CCDC87: variants seen among roughly 807,000 people sequenced by gnomAD.
CCDC87 encodes the protein coiled-coil domain-containing protein 87.
For synonymous variants in CCDC87, 434 were observed against 440.2 expected (o/e 0.99, Z 0.18); for missense variants, 1,072 against 1,041.7 (o/e 1.03, Z -0.40).
In CCDC87 at chr11:66,591,617, T is replaced by C. The variant is rs1295290277; in HGVS notation, c.1399A>G (p.Asn467Asp). ...FHIEGAGALY[N>D]HLAGELDPKA... is the part of the protein sequence containing the mutation. ...GGATCCAGTTCACCAGCCAGATGGTTATACAGGGCTCCGGCCCCCTCAATG... is the reference window on the plus strand; with the variant it reads ...GGATCCAGTTCACCAGCCAGATGGTCATACAGGGCTCCGGCCCCCTCAATG... The change falls in exon 1 of 1, where the codon AAC becomes GAC. Residue 467 changes from asparagine (N) to aspartate (D), a missense_variant. Physicochemically the swap from Asn to Asp is conservative, Grantham distance 23. Transcript: ENST00000333861. 5 of 1,614,102 alleles carry C rather than the reference T, an allele frequency of 3.1e-6. No individual in the cohort carries two copies. Among genetic ancestry groups the C allele is most frequent in the Non-Finnish European group, 4.2e-6 (5 of 1,180,036 alleles).
In CCDC87 at chr11:66,590,531, G is replaced by C. The variant is rs1273501211; in HGVS notation, c.2485C>G (p.Leu829Val). 7.4e-6 allele frequency: 12 copies of C among 1,613,986 alleles called. No individual in the cohort carries two copies. The highest frequency in any genetic ancestry group is 9.3e-6 in the Non-Finnish European group (11 of 1,179,992). Residue 829 changes from leucine to valine, a missense_variant, in exon 1 of 1, where the codon CTG becomes GTG. Coordinates refer to ENST00000333861, the MANE Select transcript of CCDC87 (RefSeq NM_018219.3). ...WLQQQRRVRH[L>V]VSALKDPHQS... ...TGGGGATCCTTCAGGGCCGAGACCA[G>C]GTGGCGAACCCGCCGCTGCTGTTGC...
chr11:66,592,950 C>G lies in CCDC87; in HGVS notation c.66G>C (p.Leu22=). ...QRFYHRLLRP[L]SLFPTRTTSP... is the part of the protein sequence containing the mutation. ...ACGTCGTCCTAGTGGGGAAGAGCGA[C>G]AGCGGACGCAGCAGCCGGTGGTAAA... The change falls in exon 1 of 1, where the codon CTG becomes CTC. Residue 22 remains leucine (L), a synonymous_variant. Transcript: ENST00000333861. 6.6e-7 allele frequency: 1 copy of G among 1,518,088 alleles called. No homozygotes were observed. The highest frequency in any genetic ancestry group is 8.8e-7 in the Non-Finnish European group (1 of 1,135,832). The allele number at this position is 1,518,088 out of a possible 1,614,324, so 94.0% of individuals were successfully genotyped here. A position where few individuals can be genotyped will look rare whatever the true frequency, so the allele number is the denominator to read the frequency against.
chr11:66,592,023 T>C lies in CCDC87; in HGVS notation c.993A>G (p.Pro331=), dbSNP rs1279765307. 2.5e-6 allele frequency: 4 copies of C among 1,613,750 alleles called. No homozygotes were observed. The highest frequency in any genetic ancestry group is 1.7e-5 in the Admixed American group (1 of 60,024). The part of the protein sequence containing the change: ...LADELGLPPL[P]SRPLTPLVLA... ...AGACCAGCGGGGTTAAGGGGCGAGA[T>C]GGGAGTGGAGGAAGGCCCAACTCAT... The change falls in exon 1 of 1, where the codon CCA becomes CCG. Residue 331 remains proline, a synonymous_variant. Transcript: ENST00000333861.
In CCDC87 at chr11:66,591,204, A is replaced by G. The variant is rs751470984; in HGVS notation, c.1812T>C (p.His604=). The stretch of plus-strand genomic sequence containing the variant: ...AGATGACATGAAGGAAATCTGTTTC[A>G]TGGTTGGTGAGGTACTTGAAGTAGT... ...VDDYFKYLTN[H]ETDFLHVIFQ... The change falls in exon 1 of 1, where the codon CAT becomes CAC. Residue 604 remains histidine, a synonymous_variant. Transcript: ENST00000333861. The G allele has an allele frequency of 1.2e-6, 2 of 1,614,230 alleles. No individual in the cohort carries two copies. Among genetic ancestry groups the G allele is most frequent in the Non-Finnish European group, 1.7e-6 (2 of 1,180,040 alleles).
chr11:66,592,955 G>C lies in CCDC87; in HGVS notation c.61C>G (p.Pro21Ala). Residue 21 changes from proline to alanine, a missense_variant, in exon 1 of 1, where the codon CCG becomes GCG. Coordinates refer to ENST00000333861, the MANE Select transcript of CCDC87 (RefSeq NM_018219.3). ...LQRFYHRLLR[P>A]LSLFPTRTTS... is the part of the protein sequence containing the mutation. ...GTCCTAGTGGGGAAGAGCGACAGCG[G>C]ACGCAGCAGCCGGTGGTAAAACCGC... 1 of 1,518,124 alleles carries C rather than the reference G, an allele frequency of 6.6e-7. No homozygotes were observed. Among genetic ancestry groups the C allele is most frequent in the Non-Finnish European group, 8.8e-7 (1 of 1,135,878 alleles). 94.0% of individuals were successfully genotyped at this position (1,518,124 alleles called of 1,614,324 possible).
Position 66,591,882 on chromosome 11 carries a change from C to G in CCDC87, c.1134G>C (p.Leu378=). Residue 378 remains leucine (L), a synonymous_variant, in exon 1 of 1, where the codon CTG becomes CTC. Transcript: ENST00000333861. ...GTRYPPLDSG[L]PPLLGVVTRH... ...GGGTCACAACCCCCAGGAGAGGAGG[C>G]AGGCCTGAGTCCAGTGGTGGGTAGC... is the stretch of plus-strand genomic sequence containing the variant. 1.2e-6 allele frequency: 2 copies of G among 1,613,848 alleles called. No individual in the cohort carries two copies. Among genetic ancestry groups the G allele is most frequent in the Non-Finnish European group, 1.7e-6 (2 of 1,179,944 alleles).
chr11:66,592,285 C>T lies in CCDC87; in HGVS notation c.731G>A (p.Gly244Glu), dbSNP rs1282950001. The T allele has an allele frequency of 4.3e-6, 7 of 1,614,216 alleles. No individual in the cohort carries two copies. The highest frequency in any genetic ancestry group is 5.9e-6 in the Non-Finnish European group (7 of 1,180,048). ...SRPPEFLNEP[G>E]RMDPVKELKS... ...CAATTCCTTCACTGGATCCATCCTTCCTGGCTCATTGAGAAACTCTGGTGG... is the reference window on the plus strand; with the variant it reads ...CAATTCCTTCACTGGATCCATCCTTTCTGGCTCATTGAGAAACTCTGGTGG... The change falls in exon 1 of 1, where the codon GGA becomes GAA. Residue 244 changes from glycine (G) to glutamate (E), a missense_variant. By Grantham distance (98) the Gly-to-Glu change is moderately conservative (BLOSUM62 -2). Coordinates refer to ENST00000333861, the MANE Select transcript of CCDC87 (RefSeq NM_018219.3).
Position 66,592,957 on chromosome 11 carries a change from C to T in CCDC87, c.59G>A (p.Arg20His). 6.6e-7 allele frequency: 1 copy of T among 1,517,020 alleles called. No homozygotes were observed. Among genetic ancestry groups the T allele is most frequent in the Non-Finnish European group, 8.8e-7 (1 of 1,135,326 alleles). 94.0% of individuals were successfully genotyped at this position (1,517,020 alleles called of 1,614,324 possible). A position where few individuals can be genotyped will look rare whatever the true frequency, so the allele number is the denominator to read the frequency against. ...CCTAGTGGGGAAGAGCGACAGCGGA[C>T]GCAGCAGCCGGTGGTAAAACCGCTG... ...ELQRFYHRLL[R>H]PLSLFPTRTT... The change falls in exon 1 of 1, where the codon CGT (arginine) becomes CAT (histidine). Residue 20 changes from arginine to histidine, a missense_variant. Physicochemically the swap from Arg to His is conservative, Grantham distance 29. Transcript: ENST00000333861.
rs750547188 is a variant in CCDC87, at chr11:66,590,952, CCA to C, written c.2062_2063del (p.Trp688ValfsTer4). ...CCTTGTCAGGGACCTCAAGCACAGA[CCA>C]CAGTTGTTCCAGATGCTTCTGCAGG... is the stretch of plus-strand genomic sequence containing the variant. ...LSLQKHLEQL[W>X]SVLEVPDKDQ... On this transcript the variant is annotated frameshift_variant, in exon 1 of 1. Transcript: ENST00000333861. LOFTEE classifies it low-confidence loss of function (END_TRUNC). 1 of 1,613,658 alleles carries C rather than the reference CCA, an allele frequency of 6.2e-7. No individual in the cohort carries two copies. The highest frequency in any genetic ancestry group is 8.5e-7 in the Non-Finnish European group (1 of 1,180,012).
Position 66,591,651 on chromosome 11 carries a change from G to C in CCDC87, c.1365C>G (p.Asp455Glu), listed in dbSNP as rs1858361314. The C allele has an allele frequency of 6.2e-7, 1 of 1,613,830 alleles. No individual in the cohort carries two copies. Reference sequence around the variant, plus strand: ...CTCCGGCCCCCTCAATGTGGAAAGAGTCTAAGAAGTTTCTATCAGAGACCC... The same window carrying C: ...CTCCGGCCCCCTCAATGTGGAAAGACTCTAAGAAGTTTCTATCAGAGACCC... ...AVRVSDRNFLDSFHIEGAGAL... is the reference protein window; with the variant it reads ...AVRVSDRNFLESFHIEGAGAL... Residue 455 changes from aspartate to glutamate, a missense_variant, in exon 1 of 1, where the codon GAC becomes GAG. Asp to Glu is a conservative substitution (Grantham distance 45). Coordinates refer to ENST00000333861, the MANE Select transcript of CCDC87 (RefSeq NM_018219.3).
rs772431906 is a variant in CCDC87, at chr11:66,591,376, C to T, written c.1640G>A (p.Gly547Glu). 2 of 1,614,094 alleles carry T rather than the reference C, an allele frequency of 1.2e-6. No homozygotes were observed. Among genetic ancestry groups the T allele is most frequent in the Non-Finnish European group, 8.5e-7 (1 of 1,180,024 alleles). ...AGTGTTTGCTCTCTGGGAGTAAAGTCCAACCAGCTCAGGGTTGATGATTTG... is the reference window on the plus strand; with the variant it reads ...AGTGTTTGCTCTCTGGGAGTAAAGTTCAACCAGCTCAGGGTTGATGATTTG... ...QPQIINPELVGLYSQRANTLQ... is the reference protein window; with the variant it reads ...QPQIINPELVELYSQRANTLQ... The change falls in exon 1 of 1, where the codon GGA (glycine) becomes GAA (glutamate). Residue 547 changes from glycine (G) to glutamate (E), a missense_variant. By Grantham distance (98) the Gly-to-Glu change is moderately conservative (BLOSUM62 -2). Transcript: ENST00000333861.
chr11:66,590,620 A>T lies in CCDC87; in HGVS notation c.2396T>A (p.Ile799Asn). The part of the protein sequence containing the change: ...EIELIFGEPV[I>N]FKGRPYLDKM... ...GTCCAGGTAGGGCCGCCCCTTGAAG[A>T]TCACTGGCTCGCCAAAGATTAACTC... Residue 799 changes from isoleucine (I) to asparagine (N), a missense_variant, in exon 1 of 1, where the codon ATC becomes AAC. Coordinates refer to ENST00000333861, the MANE Select transcript of CCDC87 (RefSeq NM_018219.3). The T allele has an allele frequency of 6.2e-7, 1 of 1,614,208 alleles. No homozygotes were observed. Among genetic ancestry groups the T allele is most frequent in the Non-Finnish European group, 8.5e-7 (1 of 1,180,044 alleles).
Position 66,591,804 on chromosome 11 carries a change from G to A in CCDC87, c.1212C>T (p.Asn404=). Residue 404 remains asparagine (N), a synonymous_variant, in exon 1 of 1, where the codon AAC becomes AAT. Transcript: ENST00000333861. ...GCCCAGAGGCTTCTTCCTCCTGGAG[G>A]TTCCTCAACATCTTCTCCAGCTCCT... ...RLEELEKMLR[N]LQEEEASGQW... is the part of the protein sequence containing the mutation. 1 of 1,613,468 alleles carries A rather than the reference G, an allele frequency of 6.2e-7. No individual in the cohort carries two copies. The highest frequency in any genetic ancestry group is 8.5e-7 in the Non-Finnish European group (1 of 1,179,876).
In CCDC87 at chr11:66,592,532, A is replaced by C. The variant is rs370432829; in HGVS notation, c.484T>G (p.Cys162Gly). The C allele has an allele frequency of 6.8e-6, 11 of 1,613,252 alleles. No homozygotes were observed. The highest frequency in any genetic ancestry group is 8.5e-6 in the Non-Finnish European group (10 of 1,180,038). The change falls in exon 1 of 1, where the codon TGC (cysteine) becomes GGC (glycine). Residue 162 changes from cysteine to glycine, a missense_variant. By Grantham distance (159) the Cys-to-Gly change is radical. Coordinates refer to ENST00000333861, the MANE Select transcript of CCDC87 (RefSeq NM_018219.3). ...TTGGGACTAGTAAGGAAGAGTGTGC[A>C]GTCCCTGGCGAGGCTGGCGGCCAAC... is the stretch of plus-strand genomic sequence containing the variant. ...TRLAASLARDCTLFLTSPNVY... is the reference protein window; with the variant it reads ...TRLAASLARDGTLFLTSPNVY...
rs1565319851 is a variant in CCDC87, at chr11:66,591,494, G to GT, written c.1521dup (p.His508ThrfsTer3). On this transcript the variant is annotated frameshift_variant, in exon 1 of 1. Coordinates refer to ENST00000333861, the MANE Select transcript of CCDC87 (RefSeq NM_018219.3). LOFTEE classifies it low-confidence loss of function (END_TRUNC). ...TCAACTAGGGGCCCTTGATCAAAAT[G>GT]TAAGTGGTCAGAAGAGACATGGCTC... 5.0e-6 allele frequency: 8 copies of GT among 1,614,176 alleles called. 1 individual carries two copies. The Admixed American group carries it at 8.3e-5, about 17-fold the overall frequency.
In CCDC87 at chr11:66,592,701, G is replaced by A. The variant is rs1208529933; in HGVS notation, c.315C>T (p.Ser105=). ...TCCGCAGCTTCTGGTTGTTTTTGTG[G>A]CTCAGACTAAGTTCGGCGGGCGGCT... The part of the protein sequence containing the change: ...WREPPAELSL[S]HKNNQKLRKR... The change falls in exon 1 of 1, where the codon AGC becomes AGT. Residue 105 remains serine (S), a synonymous_variant. Transcript: ENST00000333861. 6.2e-7 allele frequency: 1 copy of A among 1,614,124 alleles called. No homozygotes were observed. Among genetic ancestry groups the A allele is most frequent in the African/African-American group, 1.3e-5 (1 of 75,070 alleles).
Position 66,592,958 on chromosome 11 carries a change from G to A in CCDC87, c.58C>T (p.Arg20Cys). ...CTAGTGGGGAAGAGCGACAGCGGAC[G>A]CAGCAGCCGGTGGTAAAACCGCTGG... The part of the protein sequence containing the change: ...ELQRFYHRLL[R>C]PLSLFPTRTT... The change falls in exon 1 of 1, where the codon CGT (arginine) becomes TGT (cysteine). Residue 20 changes from arginine to cysteine, a missense_variant. Transcript: ENST00000333861. 1 of 1,517,810 alleles carries A rather than the reference G, an allele frequency of 6.6e-7. No individual in the cohort carries two copies. The highest frequency in any genetic ancestry group is 8.8e-7 in the Non-Finnish European group (1 of 1,135,944). 94.0% of individuals were successfully genotyped at this position (1,517,810 alleles called of 1,614,324 possible).
chr11:66,590,568 C>A lies in CCDC87; in HGVS notation c.2448G>T (p.Met816Ile), dbSNP rs763605001. ...GCCGCTGCTGTTGCAGCCAATAGAG[C>A]ATCTCCACTTTGTCACTCTTCATCT... is the stretch of plus-strand genomic sequence containing the variant. ...LDKMKSDKVEMLYWLQQQRRV... is the reference protein window; with the variant it reads ...LDKMKSDKVEILYWLQQQRRV... The change falls in exon 1 of 1, where the codon ATG becomes ATT. Residue 816 changes from methionine (M) to isoleucine (I), a missense_variant. Transcript: ENST00000333861. 3.7e-6 allele frequency: 6 copies of A among 1,614,108 alleles called. No individual in the cohort carries two copies. The highest frequency in any genetic ancestry group is 5.1e-6 in the Non-Finnish European group (6 of 1,180,058).
At position 66,591,440 on chromosome 11, in the gene CCDC87, A is replaced by T; in HGVS notation, c.1576T>A (p.Phe526Ile). The T allele has an allele frequency of 6.2e-7, 1 of 1,614,186 alleles. No individual in the cohort carries two copies. The highest frequency in any genetic ancestry group is 8.5e-7 in the Non-Finnish European group (1 of 1,180,014). The part of the protein sequence containing the change: ...EPAADKDWST[F>I]LSSAFLRQEK... ...TGACGTAGAAAGGCTGAGGACAGGA[A>T]GGTCGACCAGTCTTTATCTGCTGCA... Residue 526 changes from phenylalanine (F) to isoleucine (I), a missense_variant, in exon 1 of 1, where the codon TTC becomes ATC. Transcript: ENST00000333861.
Sources: allele counts gnomAD v4.1 joint callset, GRCh38; gene constraint gnomAD v4.1.1; transcripts MANE v1.5; gene names NCBI Gene and HGNC (gene_info 2026-07-23, HGNC 2026-07-21).